The following INSYN2B variants were observed in gnomAD, a reference collection of about 807,000 sequenced individuals.
INSYN2B encodes the protein protein INSYN2B.
A neutral mutation model predicts 41.2 loss-of-function variants in INSYN2B; 16 were observed. The observed-to-expected ratio is 0.39, with a 90% CI of 0.26 to 0.59. The LOEUF (loss-of-function observed/expected upper bound fraction) is 0.59. INSYN2B is among the 20% of genes least tolerant of loss of function. The pLI is 0.57. For missense variants in INSYN2B, 608 were observed against 646.4 expected, an observed-to-expected ratio of 0.94 and a Z score of 0.64; for synonymous variants, 245 against 244.4, an observed-to-expected ratio of 1.00 and a Z score of -0.02.
intron 1 of INSYN2B, among the ~76,000 whole-genome samples, chr5:169,974,942 G>A (rs1777663762): frequency 6.6e-6 from 1 of 152,028 alleles, no homozygotes; most frequent in Non-Finnish European, 1.5e-5. Flanking sequence ...CCCTCTCCTG[G>A]CAAGCAGGCT....
At chr5:169,949,034 A>G (rs1213651971) in intron 1 of INSYN2B, among the ~76,000 whole-genome samples, 3 of 152,214 alleles carry the variant, frequency 2.0e-5, no homozygotes, top group Non-Finnish European at 4.4e-5. Context: ...CAACCTTAGA[A>G]TCACCACGTT....
intron 1 of INSYN2B, among the ~76,000 whole-genome samples, chr5:169,973,237 A>G (rs1471750162): frequency 1.3e-5 from 2 of 152,148 alleles, no homozygotes; most frequent in Non-Finnish European, 2.9e-5. Context: ...AAAGGGAGAA[A>G]AATGGAAGAA....
intron 2 of INSYN2B, 93 bp downstream of exon 2, chr5:169,882,460 A>AT: frequency 9.0e-7 from 1 of 1,105,810 alleles, no homozygotes; most frequent in Non-Finnish European, 1.3e-6. Context: ...TTTTGGAGAC[A>AT]TTTTTACTAA....
rs567144032 is a variant in INSYN2B at position 169,973,992 on chromosome 5, G to T, written c.-919+6285C>A. 5.9e-5 allele frequency among the ~76,000 whole-genome samples: 9 copies of T among 152,316 alleles called. No homozygotes were observed. The South Asian group carries it at 1.7e-3, about 28-fold the overall frequency. On this transcript the variant is annotated intron_variant, in intron 1 of 3. Coordinates refer to ENST00000377365, the MANE Select transcript of INSYN2B (RefSeq NM_001129891.3). ...ATATTCAAGGTTAATTCAGCAGGGG[G>T]AGAGGTGGTGAGGTGGACGATCACA... is the stretch of plus-strand genomic sequence containing the variant.
At chr5:169,918,837 T>C (rs944336787) in intron 1 of INSYN2B, among the ~76,000 whole-genome samples, 3 of 152,158 alleles carry the variant, frequency 2.0e-5, no homozygotes, top group Admixed American at 2.0e-4. Flanking sequence ...TGCTTGAATC[T>C]GGGAGGCAGT....
intron 1 of INSYN2B, among the ~76,000 whole-genome samples, chr5:169,885,290 A>G (rs570158679): frequency 4.7e-4 from 71 of 152,316 alleles, no homozygotes; most frequent in African/African-American, 1.5e-3. Flanking sequence ...GAACCATCTC[A>G]TTCACTGCTT....
intron 1 of INSYN2B, among the ~76,000 whole-genome samples, chr5:169,974,854 CAT>C (rs147353127): frequency 0.071 from 10,803 of 152,062 alleles, 529 homozygotes; most frequent in African/African-American, 0.14. Flanking sequence ...GACACACACA[CAT>C]GTTTCCATGG....
intron 1 of INSYN2B, among the ~76,000 whole-genome samples, chr5:169,949,671 A>G (rs540015027): frequency 1.4e-4 from 13 of 92,280 alleles, no homozygotes; most frequent in Non-Finnish European, 2.3e-4. Flanking sequence ...AGTAAATAGC[A>G]TGTTCAATGT....
chr5:169,908,838 CTGAG>C (rs1469547346), intron 1 of INSYN2B, among the ~76,000 whole-genome samples: 1 of 151,592 alleles, frequency 6.6e-6, no homozygotes, highest in Non-Finnish European at 1.5e-5. Flanking sequence ...CCTCAGCCTC[CTGAG>C]TAACTGGGAC....
intron 1 of INSYN2B, among the ~76,000 whole-genome samples, chr5:169,958,158 T>C (rs1776942601): frequency 6.6e-6 from 1 of 152,172 alleles, no homozygotes; most frequent in Non-Finnish European, 1.5e-5. Context: ...GTCAACTTGA[T>C]TATCTACCCT....
chr5:169,875,145 G>C (rs540732888), intron 3 of INSYN2B: 2 of 451,584 alleles, frequency 4.4e-6, no homozygotes, highest in African/African-American at 4.0e-5. Context: ...AAACTTTCTA[G>C]TAAATCAAGT....
chr5:169,953,753 G>T (rs1481335454), intron 1 of INSYN2B, among the ~76,000 whole-genome samples: 1 of 152,144 alleles, frequency 6.6e-6, no homozygotes, highest in Admixed American at 6.5e-5. Flanking sequence ...CAACCTGCCA[G>T]CACTTGTTTT....
chr5:169,865,949 G>A (rs1771521172), intron 3 of INSYN2B, among the ~76,000 whole-genome samples: 1 of 152,228 alleles, frequency 6.6e-6, no homozygotes, highest in South Asian at 2.1e-4. Context: ...TGTTGCCGTT[G>A]CCATGCATGA....
rs117932291 is a variant in INSYN2B, at chr5:169,909,934, C to G, written c.-918-25118G>C. On this transcript the variant is annotated intron_variant, in intron 1 of 3. Coordinates refer to ENST00000377365, the MANE Select transcript of INSYN2B (RefSeq NM_001129891.3). ...TTTCTTCTCAGTCCCACAATTGACC[C>G]TTGTGCAGCTTGAGCCACAAAATGC... Among the ~76,000 whole-genome samples, 89 of 152,262 alleles carry G rather than the reference C, an allele frequency of 5.8e-4. 2 individuals are homozygous for G. In the East Asian group the frequency reaches 0.016, roughly 28 times the overall value.
intron 1 of INSYN2B, among the ~76,000 whole-genome samples, chr5:169,900,704 G>A (rs1161234151): frequency 6.6e-6 from 1 of 152,078 alleles, no homozygotes; most frequent in African/African-American, 2.4e-5. Context: ...AGCTAATTAT[G>A]ACTTAATGTG....
At chr5:169,899,886 A>G (rs1161875007) in intron 1 of INSYN2B, among the ~76,000 whole-genome samples, 37 of 152,194 alleles carry the variant, frequency 2.4e-4, no homozygotes, top group Non-Finnish European at 1.5e-5. Context: ...GCCCTAATTA[A>G]TGCTATCAGG....
chr5:169,883,324 C>G lies in INSYN2B; in HGVS notation c.575G>C (p.Trp192Ser). ...PVSICLEAGT[W>S]RSLEKATAAI... ...AGCTGTGGCTTTCTCTAAGGACCTC[C>G]AAGTTCCTGCTTCCAAGCATATGCT... The change falls in exon 2 of 4, where the codon TGG becomes TCG. Residue 192 changes from tryptophan (W) to serine (S), a missense_variant. Physicochemically the swap from Trp to Ser is radical, Grantham distance 177 (BLOSUM62 -3). Transcript: ENST00000377365. 6.4e-7 allele frequency: 1 copy of G among 1,551,602 alleles called. No individual in the cohort carries two copies. Among genetic ancestry groups the G allele is most frequent in the Non-Finnish European group, 8.7e-7 (1 of 1,146,930 alleles).
intron 1 of INSYN2B, among the ~76,000 whole-genome samples, chr5:169,910,265 G>A (rs1156608758): frequency 1.3e-5 from 2 of 152,246 alleles, no homozygotes; most frequent in East Asian, 1.9e-4. Flanking sequence ...GAGACAAACA[G>A]GACATTGTTC....
In INSYN2B at chr5:169,863,311, G is replaced by A. The variant is rs1252787641; in HGVS notation, c.*962C>T. Among the ~76,000 whole-genome samples the A allele has an allele frequency of 2.0e-5, 3 of 152,174 alleles. No individual in the cohort carries two copies. Among genetic ancestry groups the A allele is most frequent in the Non-Finnish European group, 1.5e-5 (1 of 68,038 alleles). Reference sequence around the variant, plus strand: ...AATATATGTTTGAACCTATCTACACGGCTGTTTCTGGGATGAAGGGATGAG... The same window carrying A: ...AATATATGTTTGAACCTATCTACACAGCTGTTTCTGGGATGAAGGGATGAG... On this transcript the variant is annotated 3_prime_UTR_variant, in exon 4 of 4. Transcript: ENST00000377365.
Sources: gnomAD v4.1 joint callset for allele counts (sites outside exome capture counted in the v4.1 genomes callset) on GRCh38, gnomAD v4.1.1 for gene constraint, MANE v1.5 for transcripts, NCBI Gene and HGNC (gene_info 2026-07-23, HGNC 2026-07-21) for gene names.